Variants in SCIN observed in about 807,000 individuals in gnomAD.
The protein encoded by SCIN is adseverin.
Under a neutral mutation model 91.8 loss-of-function variants are expected in SCIN, and 91 were observed. That is an observed-to-expected ratio of 0.99 (90% confidence interval 0.84 to 1.18). The LOEUF is 1.18. SCIN is among the 50% of genes most tolerant of loss of function. The pLI is 0.00. For missense variants in SCIN, 1,087 were observed against 863.9 expected (o/e 1.26, Z -3.24); for synonymous variants, 367 against 312.6 (o/e 1.17, Z -1.84).
chr7:12,599,094 A>G (rs1562606439), intron 3 of SCIN, among the ~76,000 whole-genome samples: 1 of 152,224 alleles, frequency 6.6e-6, no homozygotes. Context: ...GGCATAAAAT[A>G]AGGTGAAAAT....
chr7:12,589,991 T>C (rs1224155193), intron 3 of SCIN, among the ~76,000 whole-genome samples: 1 of 131,004 alleles, frequency 7.6e-6, no homozygotes, highest in Non-Finnish European at 1.8e-5. Flanking sequence ...GCCTTAAGGA[T>C]CCCATTTGCC....
At chr7:12,632,129 A>ATTT (rs970090478) in intron 9 of SCIN, among the ~76,000 whole-genome samples, 5 of 143,660 alleles carry the variant, frequency 3.5e-5, no homozygotes, top group African/African-American at 1.4e-4. Flanking sequence ...ATTTTATTTT[A>ATTT]TTTTATTTTA....
chr7:12,614,346 A>T (rs2691821), intron 4 of SCIN, among the ~76,000 whole-genome samples: 53,807 of 152,080 alleles, frequency 0.35, 10,098 homozygotes, highest in African/African-American at 0.46. Flanking sequence ...GCTGCAAAAG[A>T]GCTAACAACT....
intron 7 of SCIN, 96 bp downstream of exon 7, chr7:12,625,946 G>A (rs559727767): frequency 1.7e-5 from 13 of 756,024 alleles, no homozygotes; most frequent in East Asian, 1.1e-4. Context: ...TCAAAGTAAC[G>A]TCTGTATGTG....
chr7:12,620,392 C>G (rs1783383069), intron 4 of SCIN, among the ~76,000 whole-genome samples: 1 of 152,130 alleles, frequency 6.6e-6, no homozygotes, highest in Non-Finnish European at 1.5e-5. Flanking sequence ...CATTCTACCA[C>G]TCTATTTCTA....
intron 9 of SCIN, among the ~76,000 whole-genome samples, chr7:12,635,595 G>A (rs1375896935): frequency 9.6e-6 from 1 of 104,540 alleles, no homozygotes; most frequent in Non-Finnish European, 1.8e-5. Flanking sequence ...CCGGGCGACA[G>A]TGCAGGACTC....
Position 12,626,723 on chromosome 7 carries a change from A to G in SCIN, c.1121A>G (p.Asp374Gly). The G allele has an allele frequency of 1.2e-6, 2 of 1,607,302 alleles. No homozygotes were observed. The highest frequency in any genetic ancestry group is 1.7e-6 in the Non-Finnish European group (2 of 1,176,780). ...GCTCAAATAAAACAAATTCCCTTTGATGCCTCAAAATTACACAGTTCTCCG... is the reference window on the plus strand; with the variant it reads ...GCTCAAATAAAACAAATTCCCTTTGGTGCCTCAAAATTACACAGTTCTCCG... ...KVAQIKQIPF[D>G]ASKLHSSPQM... is the part of the protein sequence containing the mutation. Residue 374 changes from aspartate to glycine, a missense_variant, in exon 8 of 16, where the codon GAT becomes GGT. Physicochemically the swap from Asp to Gly is moderately conservative, Grantham distance 94 (BLOSUM62 -1). Coordinates refer to ENST00000297029, the MANE Select transcript of SCIN (RefSeq NM_001112706.3).
intron 10 of SCIN, among the ~76,000 whole-genome samples, chr7:12,639,117 T>C (rs1456992525): frequency 1.3e-5 from 2 of 152,240 alleles, no homozygotes; most frequent in African/African-American, 4.8e-5. Flanking sequence ...CTTTGTAGAA[T>C]ATATTAACCA....
In SCIN at chr7:12,651,217, G is replaced by C. The variant is rs924188616; in HGVS notation, c.1960-624G>C. ...AGAAGAGGCCTGGCTAGGAAAGATG[G>C]TCTTGTTATGGATAAAACCTCACAT... is the stretch of plus-strand genomic sequence containing the variant. On this transcript the variant is annotated intron_variant, in intron 14 of 15. Coordinates refer to ENST00000297029, the MANE Select transcript of SCIN (RefSeq NM_001112706.3). This position sits in a 1 kb window ranked among gnomAD's most constrained non-coding sequence, Gnocchi z 5.9. Among the ~76,000 whole-genome samples, 3 of 152,164 alleles carry C rather than the reference G, an allele frequency of 2.0e-5. No individual in the cohort carries two copies. The highest frequency in any genetic ancestry group is 2.9e-5 in the Non-Finnish European group (2 of 68,030).
chr7:12,589,651 G>T (rs749721249), intron 3 of SCIN: 4 of 152,216 alleles, frequency 2.6e-5, no homozygotes, highest in Non-Finnish European at 5.9e-5. Flanking sequence ...TCTAAACCTC[G>T]ATGGTTTTGA....
rs567635843 is a variant in SCIN, at chr7:12,630,777, G to T, written c.1319+1555G>T. 2.3e-3 allele frequency among the ~76,000 whole-genome samples: 357 copies of T among 152,306 alleles called. 4 individuals are homozygous for T. Among genetic ancestry groups the T allele is most frequent in the South Asian group, 6.6e-3 (32 of 4,824 alleles). Reference sequence around the variant, plus strand: ...AATTTAACTCAAAGTCACAGCTGTTGTAACTGGTAAAGCAACATTTTAAAT... The same window carrying T: ...AATTTAACTCAAAGTCACAGCTGTTTTAACTGGTAAAGCAACATTTTAAAT... On this transcript the variant is annotated intron_variant, in intron 9 of 15. Coordinates refer to ENST00000297029, the MANE Select transcript of SCIN (RefSeq NM_001112706.3).
intron 7 of SCIN, 104 bp from the exon 8 acceptor site, chr7:12,626,480 C>T (rs1214562926): frequency 2.2e-6 from 2 of 896,296 alleles, no homozygotes; most frequent in African/African-American, 3.4e-5. Context: ...ATAGCTAAAC[C>T]AGGATAATTT....
chr7:12,582,835 GCATT>G (rs1420060388), intron 3 of SCIN, among the ~76,000 whole-genome samples: 17 of 152,254 alleles, frequency 1.1e-4, no homozygotes, highest in African/African-American at 3.4e-4. Context: ...AGCAATTGCA[GCATT>G]CAGTCTCTCA....
Position 12,570,945 on chromosome 7 carries a change from G to C in SCIN, c.159G>C (p.Lys53Asn), listed in dbSNP as rs919885392. 1 of 1,551,386 alleles carries C rather than the reference G, an allele frequency of 6.4e-7. No individual in the cohort carries two copies. Among genetic ancestry groups the C allele is most frequent in the South Asian group, 1.2e-5 (1 of 84,056 alleles). Residue 53 changes from lysine (K) to asparagine (N), a missense_variant, in exon 1 of 16, where the codon AAG becomes AAC. Lys to Asn is a moderately conservative substitution (Grantham distance 94). Transcript: ENST00000297029. ...GDAYLVLHTA[K>N]TSRGFTYHLH... ...CCTACCTGGTGCTGCACACGGCCAA[G>C]ACGAGCCGAGGCTTCACCTACCACC...
intron 4 of SCIN, among the ~76,000 whole-genome samples, chr7:12,619,015 T>C (rs981480333): frequency 2.6e-5 from 4 of 152,140 alleles, no homozygotes; most frequent in African/African-American, 9.7e-5. Flanking sequence ...GCAAAACTCC[T>C]AACTTCCTTC....
intron 3 of SCIN, among the ~76,000 whole-genome samples, chr7:12,583,741 T>C (rs1260723750): frequency 1.3e-5 from 2 of 152,174 alleles, no homozygotes; most frequent in Non-Finnish European, 2.9e-5. Flanking sequence ...CCGTATACTC[T>C]CTTCCCATAG....
At chr7:12,644,341 T>G (rs1041578117) in intron 12 of SCIN, 26 bp downstream of exon 12, 1 of 1,556,972 alleles carries the variant, frequency 6.4e-7, no homozygotes. Context: ...CCAAGGGCAC[T>G]AACTAGAATT....
At position 12,657,572 on chromosome 7, in the gene SCIN, A is replaced by ATTTTTTTT. The variant is rs71030521; in HGVS notation, c.*4876_*4883dup. 13 of 22,090 alleles carry ATTTTTTTT rather than the reference A, an allele frequency of 5.9e-4. 1 individual carries two copies. Among genetic ancestry groups the ATTTTTTTT allele is most frequent in the East Asian group, 3.9e-3 (1 of 254 alleles). The allele number at this position is 22,090 out of a possible 1,614,324, so 1.4% of individuals were successfully genotyped here. ...TATATATATATATATATATATATAT[A>ATTTTTTTT]TTTTTTTTTTTTTTTTTTTTTTTTT... On this transcript the variant is annotated 3_prime_UTR_variant, in exon 16 of 16. Transcript: ENST00000297029.
intron 10 of SCIN, among the ~76,000 whole-genome samples, chr7:12,639,018 A>G (rs1000960401): frequency 6.6e-6 from 1 of 152,198 alleles, no homozygotes; most frequent in African/African-American, 2.4e-5. Context: ...TAAATTGACA[A>G]CAAAATGGTA....
Sources: gnomAD v4.1 joint callset for allele counts (sites outside exome capture counted in the v4.1 genomes callset) on GRCh38, gnomAD v4.1.1 for gene constraint, Gnocchi (gnomAD v3.1) non-coding constraint, MANE v1.5 for transcripts, NCBI Gene and HGNC (gene_info 2026-07-23, HGNC 2026-07-21) for gene names.